Variants in SAMMSON observed in about 807,000 individuals in gnomAD.
The protein encoded by SAMMSON is survival associated mitochondrial melanoma specific oncogenic non-coding RNA, also known as long intergenic non-protein coding RNA 1212.
intron 7 of SAMMSON, among the ~76,000 whole-genome samples, chr3:70,296,016 T>TA (rs763593272): frequency 2.6e-5 from 4 of 152,328 alleles, no homozygotes; most frequent in Non-Finnish European, 5.9e-5. Context: ...AAACTGTGGC[T>TA]AACATGCATT....
At chr3:70,042,752 A>G (rs2067110704) in intron 3 of SAMMSON, among the ~76,000 whole-genome samples, 1 of 152,136 alleles carries the variant, frequency 6.6e-6, no homozygotes, top group Non-Finnish European at 1.5e-5. Flanking sequence ...TGAATAAATT[A>G]TGCATGAAAT....
At chr3:70,088,348 C>G (rs1052677584) in intron 4 of SAMMSON, among the ~76,000 whole-genome samples, 1 of 152,116 alleles carries the variant, frequency 6.6e-6, no homozygotes, top group Admixed American at 6.5e-5. Context: ...CTAACTAAGT[C>G]ATGTGGACAG....
chr3:70,275,508 C>A (rs1702015496), intron 6 of SAMMSON, among the ~76,000 whole-genome samples: 1 of 152,200 alleles, frequency 6.6e-6, no homozygotes, highest in Admixed American at 6.5e-5. Context: ...CAAAGCAAGA[C>A]CCTGTCTCAA....
chr3:70,331,851 C>T (rs1702624122), intron 7 of SAMMSON, among the ~76,000 whole-genome samples: 1 of 152,202 alleles, frequency 6.6e-6, no homozygotes, highest in Non-Finnish European at 1.5e-5. Flanking sequence ...TTATCAAGTG[C>T]CAGGAGATTA....
At chr3:70,123,985 C>T (rs73105985) in intron 4 of SAMMSON, among the ~76,000 whole-genome samples, 11,042 of 152,274 alleles carry the variant, frequency 0.073, 534 homozygotes, top group Non-Finnish European at 0.11. Context: ...AATGTTGTTG[C>T]CTCTGAACAG....
At chr3:70,390,431 C>A (rs573408393), downstream of SAMMSON, among the ~76,000 whole-genome samples, 1 of 152,080 alleles carries the variant, frequency 6.6e-6, no homozygotes, top group Non-Finnish European at 1.5e-5. Context: ...TTAATTGGCT[C>A]ATGGTTCTGC....
chr3:70,160,473 G>C (rs1320517547), intron 4 of SAMMSON, among the ~76,000 whole-genome samples: 2 of 151,778 alleles, frequency 1.3e-5, no homozygotes, highest in Non-Finnish European at 2.9e-5. Context: ...TCTGAGGTGG[G>C]TTTGTTGAAT....
At chr3:70,343,245 A>C (rs1439569251) in intron 7 of SAMMSON, among the ~76,000 whole-genome samples, 1 of 152,184 alleles carries the variant, frequency 6.6e-6, no homozygotes, top group Non-Finnish European at 1.5e-5. Context: ...TTATTAAATA[A>C]AATTCATACT....
intron 6 of SAMMSON, among the ~76,000 whole-genome samples, chr3:70,279,915 A>G (rs949411576): frequency 5.9e-5 from 9 of 152,122 alleles, no homozygotes; most frequent in African/African-American, 2.2e-4. Flanking sequence ...GAAAGACATC[A>G]TATTGCTTGA....
intron 4 of SAMMSON, among the ~76,000 whole-genome samples, chr3:70,246,774 T>C (rs2106646857): frequency 6.6e-6 from 1 of 152,188 alleles, no homozygotes; most frequent in South Asian, 2.1e-4. Flanking sequence ...TAGACTATCA[T>C]TGGTATAAAA....
intron 2 of SAMMSON, among the ~76,000 whole-genome samples, chr3:70,404,439 G>C (rs1009168074): frequency 6.6e-6 from 1 of 152,056 alleles, no homozygotes; most frequent in South Asian, 2.1e-4. Flanking sequence ...GAGATACCCG[G>C]TAGACACAGA....
At chr3:70,290,711 G>T (rs1294242777) in intron 6 of SAMMSON, among the ~76,000 whole-genome samples, 4 of 152,140 alleles carry the variant, frequency 2.6e-5, no homozygotes, top group African/African-American at 9.7e-5. Context: ...CAATCAGTGA[G>T]ACTCCGTGGG....
At chr3:70,083,383 C>A (rs1430337899) in intron 4 of SAMMSON, among the ~76,000 whole-genome samples, 1 of 152,170 alleles carries the variant, frequency 6.6e-6, no homozygotes, top group African/African-American at 2.4e-5. Context: ...AAGCCAGGAA[C>A]TCTGGAAAAT....
chr3:70,163,607 A>G (rs2106694442), intron 4 of SAMMSON, among the ~76,000 whole-genome samples: 1 of 152,062 alleles, frequency 6.6e-6, no homozygotes, highest in Non-Finnish European at 1.5e-5. Flanking sequence ...GGCAGTGAGG[A>G]GACATTTTAA....
At chr3:70,134,149 A>G (rs2067496101) in intron 4 of SAMMSON, among the ~76,000 whole-genome samples, 1 of 151,466 alleles carries the variant, frequency 6.6e-6, no homozygotes, top group African/African-American at 2.4e-5. Context: ...AATCCCAGCT[A>G]CTTGGGAGGC....
intron 7 of SAMMSON, among the ~76,000 whole-genome samples, chr3:70,324,822 A>G (rs1407396159): frequency 4.6e-5 from 7 of 151,792 alleles, no homozygotes; most frequent in African/African-American, 1.7e-4. Flanking sequence ...ATGCATCATG[A>G]TATATAAACA....
At chr3:70,094,202 G>T (rs886457267) in intron 4 of SAMMSON, among the ~76,000 whole-genome samples, 1 of 152,036 alleles carries the variant, frequency 6.6e-6, no homozygotes, top group Admixed American at 6.6e-5. Flanking sequence ...CATGCCTGCT[G>T]CTCTCCATCC....
chr3:70,388,630 T>C lies in SAMMSON; in HGVS notation n.914-944T>C, dbSNP rs1346460097. ...TCAGTTCCAGCCTTTGCTATATGAA[T>C]GAAAGATGGCTGTGGAATTATGGGA... On this transcript the variant is annotated intron_variant and non_coding_transcript_variant, in intron 9 of 9. Transcript: ENST00000642114. Among the ~76,000 whole-genome samples the C allele has an allele frequency of 2.6e-5, 4 of 152,122 alleles. No homozygotes were observed. The East Asian group carries it at 7.7e-4, about 29-fold the overall frequency.
At chr3:70,100,795 T>G (rs2067342624) in intron 4 of SAMMSON, among the ~76,000 whole-genome samples, 1 of 152,206 alleles carries the variant, frequency 6.6e-6, no homozygotes, top group African/African-American at 2.4e-5. Flanking sequence ...AAACTGTGTA[T>G]TATTTACACA....
Sources: allele counts gnomAD v4.1 joint callset (sites outside exome capture counted in the v4.1 genomes callset), GRCh38; gene constraint gnomAD v4.1.1; transcripts MANE v1.5; gene names NCBI Gene and HGNC (gene_info 2026-07-23, HGNC 2026-07-21).